The following COL3A1 variants were observed in gnomAD, a reference collection of about 807,000 sequenced individuals.
The protein encoded by COL3A1 is collagen alpha-1(III) chain.
A neutral mutation model predicts 200.9 loss-of-function variants in COL3A1; 46 were observed. The observed-to-expected ratio is 0.23, with a 90% CI of 0.18 to 0.29. The LOEUF is 0.29. Among genes scored for constraint, COL3A1 ranks in the 10% least tolerant of loss-of-function variants. The pLI, the probability that COL3A1 is intolerant of heterozygous loss-of-function variation, is 1.00. For synonymous variants in COL3A1, 650 were observed against 628.0 expected (o/e 1.03, Z -0.52); for missense variants, 1,367 against 1,917.6 (o/e 0.71, Z 5.36).
chr2:188,976,701 T>C (rs1157552503), intron 1 of COL3A1, among the ~76,000 whole-genome samples: 1 of 152,286 alleles, frequency 6.6e-6, no homozygotes, highest in Non-Finnish European at 1.5e-5. Context: ...AGGCATTTTC[T>C]GGATACAAAC....
intron 1 of COL3A1, among the ~76,000 whole-genome samples, chr2:188,977,873 G>C (rs540188073): frequency 6.6e-6 from 1 of 152,114 alleles, no homozygotes; most frequent in African/African-American, 2.4e-5. Context: ...CAATTTTATA[G>C]AGAGTAGTAC....
rs1688077639 is a variant in COL3A1 at position 188,987,038 on chromosome 2, CTATT to C, written c.448-19_448-16del. The C allele has an allele frequency of 1.3e-6, 2 of 1,590,682 alleles. No individual in the cohort carries two copies. Among genetic ancestry groups the C allele is most frequent in the Non-Finnish European group, 1.7e-6 (2 of 1,159,104 alleles). Reference sequence around the variant, plus strand: ...GAACTGTCTGTTAAAATGATCATATCTATTTGTCTCCTTGCCACAGAACTATTCT... The same window carrying C: ...GAACTGTCTGTTAAAATGATCATATCTGTCTCCTTGCCACAGAACTATTCT... On this transcript the variant is annotated splice_polypyrimidine_tract_variant and intron_variant, in intron 4 of 50. Transcript: ENST00000304636.
At chr2:188,981,252 A>G (rs1687946850) in intron 1 of COL3A1, among the ~76,000 whole-genome samples, 1 of 151,530 alleles carries the variant, frequency 6.6e-6, no homozygotes, top group Non-Finnish European at 1.5e-5. Flanking sequence ...GAAAACTAGG[A>G]AAGAAGCAGC....
intron 1 of COL3A1, among the ~76,000 whole-genome samples, chr2:188,977,826 A>T (rs887538777): frequency 2.0e-5 from 3 of 152,118 alleles, no homozygotes; most frequent in African/African-American, 7.2e-5. Flanking sequence ...GCATTTCTAA[A>T]GGTGAAAAAA....
rs769563159 is a variant in COL3A1, at chr2:188,987,677, A to T, written c.529-404A>T. ...TTTACATTATTATTTTAGATACTTG[A>T]TTATAGGATTTCTAGTGTGCCAATA... On this transcript the variant is annotated intron_variant, in intron 5 of 50. Transcript: ENST00000304636. Among the ~76,000 whole-genome samples, 146 of 152,182 alleles carry T rather than the reference A, an allele frequency of 9.6e-4. 1 individual carries two copies. The highest frequency in any genetic ancestry group is 6.8e-3 in the Middle Eastern group (2 of 294).
In COL3A1 at chr2:188,994,246, A is replaced by G. The variant is rs1372036761; in HGVS notation, c.1207A>G (p.Ile403Val). The change falls in exon 18 of 51, where the codon ATT (isoleucine) becomes GTT (valine). Residue 403 changes from isoleucine (I) to valine (V), a missense_variant. By Grantham distance (29) the Ile-to-Val change is conservative. Coordinates refer to ENST00000304636, the MANE Select transcript of COL3A1 (RefSeq NM_000090.4). The surrounding 1 kb of genome is among the most constrained non-coding windows in gnomAD (Gnocchi z 4.5). The stretch of plus-strand genomic sequence containing the variant: ...GGTTTGTTCTTAGGGTCCCGCTGGC[A>G]TTCCTGGAGCTCCTGGACTGATGGG... ...GGKGEMGPAG[I>V]PGAPGLMGAR... is the part of the protein sequence containing the mutation. The G allele has an allele frequency of 5.0e-6, 8 of 1,614,030 alleles. No individual in the cohort carries two copies. The highest frequency in any genetic ancestry group is 6.8e-6 in the Non-Finnish European group (8 of 1,180,012).
At chr2:188,998,439 G>A (rs1485013836) in intron 28 of COL3A1, 120 bp downstream of exon 28, 17 of 1,014,238 alleles carry the variant, frequency 1.7e-5, no homozygotes, top group Non-Finnish European at 2.5e-5. Context: ...ATTTAGTTTT[G>A]AAATATTATC....
At chr2:188,993,599 C>A in intron 16 of COL3A1, 140 bp downstream of exon 16, 1 of 747,946 alleles carries the variant, frequency 1.3e-6, no homozygotes, top group Non-Finnish European at 2.3e-6. Context: ...TTGCTTAGTG[C>A]TCTAAAATGA....
intron 28 of COL3A1, 59 bp downstream of exon 28, chr2:188,998,378 G>A: frequency 7.1e-7 from 1 of 1,417,486 alleles, no homozygotes; most frequent in Non-Finnish European, 9.9e-7. Context: ...CTGTTTGTTT[G>A]TCAACTATTA....
chr2:188,975,486 A>G (rs1374607555), intron 1 of COL3A1, among the ~76,000 whole-genome samples: 1 of 152,204 alleles, frequency 6.6e-6, no homozygotes, highest in African/African-American at 2.4e-5. Flanking sequence ...TTGGAATACA[A>G]ACTTCCATAG....
intron 34 of COL3A1, among the ~76,000 whole-genome samples, chr2:189,001,935 A>T (rs1047960707): frequency 6.6e-6 from 1 of 152,194 alleles, no homozygotes; most frequent in South Asian, 2.1e-4. Flanking sequence ...TTCAGGATTT[A>T]AGACTCTGGA....
intron 1 of COL3A1, among the ~76,000 whole-genome samples, chr2:188,980,149 T>C (rs1473398430): frequency 6.6e-6 from 1 of 151,614 alleles, no homozygotes; most frequent in Non-Finnish European, 1.5e-5. Context: ...GACTATACAA[T>C]TTAAAGTTGT....
At chr2:188,992,493 C>G (rs899833093) in intron 14 of COL3A1, among the ~76,000 whole-genome samples, 2 of 152,210 alleles carry the variant, frequency 1.3e-5, no homozygotes, top group South Asian at 4.1e-4. Flanking sequence ...TTCTGACACT[C>G]ATTCTGCTTG....
intron 47 of COL3A1, chr2:189,008,448 A>T: frequency 2.2e-6 from 1 of 445,802 alleles, no homozygotes; most frequent in South Asian, 2.2e-5. Flanking sequence ...GAATTACAAC[A>T]TTCATAATTA....
At position 189,003,033 on chromosome 2, in the gene COL3A1, G is replaced by A; in HGVS notation, c.2524G>A (p.Ala842Thr). Residue 842 changes from alanine (A) to threonine (T), a missense_variant, in exon 36 of 51, where the codon GCA becomes ACA. Around this residue, in one of 5 missense-constraint regions of COL3A1, gnomAD observed 846 missense variants for 1,147.9 expected, o/e 0.74. Transcript: ENST00000304636. The stretch of plus-strand genomic sequence containing the variant: ...AGGTGAAGGAGGCCCTCCTGGAGTT[G>A]CAGGACCCCCTGGAGGTTCTGGACC... Reference protein sequence around the residue: ...EKGEGGPPGVAGPPGGSGPAG... With the variant: ...EKGEGGPPGVTGPPGGSGPAG... The A allele has an allele frequency of 6.4e-7, 1 of 1,551,440 alleles. No homozygotes were observed. Among genetic ancestry groups the A allele is most frequent in the Non-Finnish European group, 8.7e-7 (1 of 1,146,872 alleles).
intron 41 of COL3A1, chr2:189,005,712 G>A (rs760830119): frequency 1.8e-4 from 83 of 469,426 alleles, no homozygotes; most frequent in Non-Finnish European, 2.9e-4. Flanking sequence ...TTAGTGGGGA[G>A]AACCACAATT....
chr2:188,979,736 TG>T (rs1391438561), intron 1 of COL3A1, among the ~76,000 whole-genome samples: 2 of 151,812 alleles, frequency 1.3e-5, no homozygotes, highest in Admixed American at 1.3e-4. Context: ...AAAAATCATA[TG>T]GGACAGAGCT....
At chr2:189,010,502 C>A (rs1015140068) in intron 49 of COL3A1, 137 bp downstream of exon 49, 2 of 1,469,604 alleles carry the variant, frequency 1.4e-6, no homozygotes, top group South Asian at 2.4e-5. Context: ...TGATGGCATG[C>A]AATAAAAATA....
intron 5 of COL3A1, 137 bp from the exon 6 acceptor site, chr2:188,987,944 A>T: frequency 2.8e-6 from 2 of 709,774 alleles, no homozygotes; most frequent in Non-Finnish European, 2.6e-6. Context: ...GATCTCATGA[A>T]TAGTTATCAA....
Sources: allele counts gnomAD v4.1 joint callset (sites outside exome capture counted in the v4.1 genomes callset), GRCh38; gene constraint gnomAD v4.1.1; regional missense constraint gnomAD v4.1.1; non-coding constraint Gnocchi (gnomAD v3.1); transcripts MANE v1.5; gene names NCBI Gene and HGNC (gene_info 2026-07-23, HGNC 2026-07-21).